MAPKAPK3: variants seen among roughly 807,000 people sequenced by gnomAD.
MAPKAPK3 encodes MAP kinase-activated protein kinase 3.
MAPKAPK3 carries 35 observed loss-of-function variants against 49.2 expected under a neutral mutation model. That is an observed-to-expected ratio of 0.71 (90% CI 0.54 to 0.94). The LOEUF is 0.94. Among genes scored for constraint, MAPKAPK3 ranks in the 40% least tolerant of loss-of-function variants. MAPKAPK3 has a pLI of 0.00. For missense variants in MAPKAPK3, 398 were observed against 493.1 expected (o/e 0.81, Z 1.83); for synonymous variants, 178 against 188.7 (o/e 0.94, Z 0.46).
chr3:50,624,644 G>A (rs948250570), intron 2 of MAPKAPK3, among the ~76,000 whole-genome samples: 1 of 152,140 alleles, frequency 6.6e-6, no homozygotes, highest in Non-Finnish European at 1.5e-5. Context: ...TCACACCTGG[G>A]GAAGTGGAGT....
intron 8 of MAPKAPK3, 109 bp downstream of exon 8, chr3:50,646,373 C>G: frequency 6.8e-7 from 1 of 1,471,388 alleles, no homozygotes. Flanking sequence ...TTGGCTCCCC[C>G]TCTTTCCAGC....
Position 50,647,917 on chromosome 3 carries a change from C to T in MAPKAPK3, c.1020C>T (p.Ala340=). ...EVKEEMTSAL[A]TMRVDYDQVK... is the part of the protein sequence containing the mutation. ...AGGAGGAGATGACCAGTGCCTTGGCCACTATGCGGGTAGACTACGACCAGG... is the reference window on the plus strand; with the variant it reads ...AGGAGGAGATGACCAGTGCCTTGGCTACTATGCGGGTAGACTACGACCAGG... Residue 340 remains alanine (A), a synonymous_variant, in exon 11 of 11, where the codon GCC becomes GCT. Coordinates refer to ENST00000621469, the MANE Select transcript of MAPKAPK3 (RefSeq NM_001243925.2). 6.2e-7 allele frequency: 1 copy of T among 1,613,764 alleles called. No homozygotes were observed. Among genetic ancestry groups the T allele is most frequent in the Non-Finnish European group, 8.5e-7 (1 of 1,179,860 alleles).
At chr3:50,627,083 C>T (rs1045999536) in intron 2 of MAPKAPK3, among the ~76,000 whole-genome samples, 5 of 150,408 alleles carry the variant, frequency 3.3e-5, no homozygotes, top group African/African-American at 1.2e-4. Context: ...ACTTGAGAGG[C>T]TGAGGCAGGA....
At chr3:50,611,523 C>CCT (rs2032325429), upstream of MAPKAPK3, 2 of 1,503,118 alleles carry the variant, frequency 1.3e-6, no homozygotes, top group Non-Finnish European at 1.8e-6. Context: ...TGCGCTCAGT[C>CCT]ACCTCTGGCC....
Position 50,648,207 on chromosome 3 carries a change from C to G in MAPKAPK3, c.*161C>G. ...AACTTCAGGATGGAGGACCCTGACC[C>G]TAAACCTCCTTCAGATCTCTGGCCC... On this transcript the variant is annotated 3_prime_UTR_variant, in exon 11 of 11. Transcript: ENST00000621469. The G allele has an allele frequency of 1.3e-6, 1 of 775,176 alleles. No individual in the cohort carries two copies. Among genetic ancestry groups the G allele is most frequent in the Non-Finnish European group, 2.0e-6 (1 of 492,860 alleles). 48.0% of individuals were successfully genotyped at this position (775,176 alleles called of 1,614,324 possible).
At chr3:50,639,101 A>G (rs561558363) in intron 2 of MAPKAPK3, among the ~76,000 whole-genome samples, 1 of 152,310 alleles carries the variant, frequency 6.6e-6, no homozygotes, top group Non-Finnish European at 1.5e-5. Context: ...GCCACAGTCC[A>G]GGGCTGAGTT....
chr3:50,630,154 T>C (rs2032866778), intron 2 of MAPKAPK3, among the ~76,000 whole-genome samples: 1 of 152,212 alleles, frequency 6.6e-6, no homozygotes, highest in African/African-American at 2.4e-5. Context: ...TTCTGCCAGG[T>C]TCTGGTTCTG....
At chr3:50,636,126 A>C (rs2033036210) in intron 2 of MAPKAPK3, among the ~76,000 whole-genome samples, 1 of 151,934 alleles carries the variant, frequency 6.6e-6, no homozygotes, top group Non-Finnish European at 1.5e-5. Context: ...AAAAATCTAC[A>C]ACTATTACCT....
rs2033001910 is a variant in MAPKAPK3 at position 50,635,080 on chromosome 3, G to A, written c.220-5286G>A. On this transcript the variant is annotated intron_variant, in intron 2 of 10. Transcript: ENST00000621469. ...CAGAGAGGAAAAGGGACTGGCCTAA[G>A]GTCATACTGAGAATAGGCATAGAAC... 2.0e-5 allele frequency among the ~76,000 whole-genome samples: 3 copies of A among 152,230 alleles called. No individual in the cohort carries two copies. The South Asian group carries it at 6.2e-4, about 31-fold the overall frequency.
rs146412649 is a variant in MAPKAPK3 at position 50,646,215 on chromosome 3, G to A, written c.780G>A (p.Leu260=). Residue 260 remains leucine (L), a synonymous_variant, in exon 8 of 11, where the codon CTG becomes CTA. Transcript: ENST00000621469. ...ISPGMKRRIR[L]GQYGFPNPEW... ...CGGGGATGAAGAGGAGGATTCGCCT[G>A]GGCCAGTACGGCTTCCCCAATCCTG... 1 of 1,614,186 alleles carries A rather than the reference G, an allele frequency of 6.2e-7. No individual in the cohort carries two copies. The highest frequency in any genetic ancestry group is 8.5e-7 in the Non-Finnish European group (1 of 1,180,022).
chr3:50,630,394 A>C (rs1233812384), intron 2 of MAPKAPK3, among the ~76,000 whole-genome samples: 1 of 152,232 alleles, frequency 6.6e-6, no homozygotes, highest in African/African-American at 2.4e-5. Flanking sequence ...TGTACAGTTG[A>C]ATCCTGGTTC....
intron 2 of MAPKAPK3, among the ~76,000 whole-genome samples, chr3:50,631,912 C>T (rs573705090): frequency 2.0e-5 from 3 of 152,322 alleles, no homozygotes; most frequent in African/African-American, 7.2e-5. Flanking sequence ...TTGCCTGAGG[C>T]TGGGATGAGA....
At position 50,642,333 on chromosome 3, in the gene MAPKAPK3, G is replaced by A; in HGVS notation, c.504+1G>A. The A allele has an allele frequency of 6.2e-7, 1 of 1,611,710 alleles. No individual in the cohort carries two copies. Among genetic ancestry groups the A allele is most frequent in the Non-Finnish European group, 8.5e-7 (1 of 1,179,414 alleles). ...TAACATTGCCCACCGAGATGTCAAGGTGAGGCTCCAGGATTCAGGTTGGGG... is the reference window on the plus strand; with the variant it reads ...TAACATTGCCCACCGAGATGTCAAGATGAGGCTCCAGGATTCAGGTTGGGG... On this transcript the variant is annotated splice_donor_variant, in intron 5 of 10. Coordinates refer to ENST00000621469, the MANE Select transcript of MAPKAPK3 (RefSeq NM_001243925.2). LOFTEE classifies it high-confidence loss of function.
At position 50,617,591 on chromosome 3, in the gene MAPKAPK3, A is replaced by C. The variant is rs955808780; in HGVS notation, c.26A>C (p.Gln9Pro). The stretch of plus-strand genomic sequence containing the variant: ...ATGGATGGTGAAACAGCAGAGGAGC[A>C]GGGGGGCCCTGTGCCCCCGCCAGTT... MDGETAEE[Q>P]GGPVPPPVAP... The change falls in exon 2 of 11, where the codon CAG becomes CCG. Residue 9 changes from glutamine (Q) to proline (P), a missense_variant. Coordinates refer to ENST00000621469, the MANE Select transcript of MAPKAPK3 (RefSeq NM_001243925.2). The C allele has an allele frequency of 1.3e-6, 2 of 1,585,326 alleles. No homozygotes were observed.
At chr3:50,647,322 G>A in intron 10 of MAPKAPK3, 119 bp downstream of exon 10, 1 of 768,846 alleles carries the variant, frequency 1.3e-6, no homozygotes, top group Non-Finnish European at 2.2e-6. Flanking sequence ...GGAGCACAGG[G>A]TGTCAGTGAC....
chr3:50,618,847 G>A (rs976868855), intron 2 of MAPKAPK3, among the ~76,000 whole-genome samples: 9 of 152,170 alleles, frequency 5.9e-5, no homozygotes, highest in Non-Finnish European at 1.2e-4. Context: ...GCGCCACCAC[G>A]CCCAGCTAAT....
intron 2 of MAPKAPK3, among the ~76,000 whole-genome samples, chr3:50,625,898 C>A (rs979975365): frequency 1.3e-5 from 2 of 152,044 alleles, no homozygotes; most frequent in East Asian, 3.9e-4. Context: ...CAGCTCACTC[C>A]CCCACCCCCA....
At chr3:50,642,532 C>G (rs2033200001) in intron 5 of MAPKAPK3, among the ~76,000 whole-genome samples, 200 bp downstream of exon 5, 1 of 152,200 alleles carries the variant, frequency 6.6e-6, no homozygotes, top group Non-Finnish European at 1.5e-5. Context: ...CAGGTGGGTC[C>G]CCTTGCTTCT....
chr3:50,635,856 G>T (rs943647340), intron 2 of MAPKAPK3, among the ~76,000 whole-genome samples: 8 of 142,574 alleles, frequency 5.6e-5, no homozygotes, highest in Non-Finnish European at 1.0e-4. Context: ...GCCAAGGCAG[G>T]AGGATCACTT....
Sources: allele counts gnomAD v4.1 joint callset (sites outside exome capture counted in the v4.1 genomes callset), GRCh38; gene constraint gnomAD v4.1.1; transcripts MANE v1.5; gene names NCBI Gene and HGNC (gene_info 2026-07-23, HGNC 2026-07-21).